ATXN10: variants seen among roughly 807,000 people sequenced by gnomAD.
ATXN10 encodes the protein ataxin 10.
ATXN10 carries 28 observed loss-of-function variants against 52.9 expected under a neutral mutation model. The ratio of observed to expected loss-of-function variants is 0.53; its 90% CI spans 0.39 to 0.73. The LOEUF (loss-of-function observed/expected upper bound fraction) is 0.73, where lower values mean the gene tolerates loss of function less well. ATXN10 is among the 30% of genes least tolerant of loss of function. ATXN10 has a pLI of 0.00. For missense variants in ATXN10, 565 were observed against 577.0 expected (o/e 0.98, Z 0.21); for synonymous variants, 226 against 221.5 (o/e 1.02, Z -0.18).
chr22:45,810,509 T>C (rs1928246231), intron 10 of ATXN10, among the ~76,000 whole-genome samples: 1 of 152,348 alleles, frequency 6.6e-6, no homozygotes, highest in South Asian at 2.1e-4. Context: ...CGTTTACCAC[T>C]AACAAAAACA....
intron 10 of ATXN10, among the ~76,000 whole-genome samples, chr22:45,810,585 A>C (rs1928248684): frequency 6.6e-6 from 1 of 152,250 alleles, no homozygotes; most frequent in Non-Finnish European, 1.5e-5. Flanking sequence ...TTTGATGAGA[A>C]TTGACATACA....
rs1923837040 is a variant in ATXN10 at position 45,701,354 on chromosome 22, T to C, written c.488+976T>C. 6.6e-6 allele frequency among the ~76,000 whole-genome samples: 1 copy of C among 152,190 alleles called. No individual in the cohort carries two copies. The stretch of plus-strand genomic sequence containing the variant: ...ATCTGGATCTAAAGCCTATCTATGC[T>C]CATTGTAAATACTGTGCTGCTTAAA... On this transcript the variant is annotated intron_variant, in intron 4 of 11. Transcript: ENST00000252934. The surrounding 1 kb of genome is among the most constrained non-coding windows in gnomAD (Gnocchi z 4.2).
intron 9 of ATXN10, among the ~76,000 whole-genome samples, chr22:45,806,219 C>T (rs1928094744): frequency 6.6e-6 from 1 of 152,172 alleles, no homozygotes; most frequent in Non-Finnish European, 1.5e-5. Context: ...TTACCAATAG[C>T]ATTTGTTGTC....
Position 45,733,380 on chromosome 22 carries a change from C to T in ATXN10, c.894+3790C>T, listed in dbSNP as rs753561057. On this transcript the variant is annotated intron_variant, in intron 7 of 11. Coordinates refer to ENST00000252934, the MANE Select transcript of ATXN10 (RefSeq NM_013236.4). This position sits in a 1 kb window ranked among gnomAD's most constrained non-coding sequence, Gnocchi z 4.4. ...ATTAAGGGCTTAAATTTTTGTATTA[C>T]GCAAATAATGCTTGCTTTGTTGTTA... Among the ~76,000 whole-genome samples, 1 of 152,080 alleles carries T rather than the reference C, an allele frequency of 6.6e-6. No homozygotes were observed. Among genetic ancestry groups the T allele is most frequent in the Non-Finnish European group, 1.5e-5 (1 of 68,026 alleles).
chr22:45,817,687 G>A (rs1014954315), intron 10 of ATXN10, among the ~76,000 whole-genome samples: 1 of 151,854 alleles, frequency 6.6e-6, no homozygotes, highest in Admixed American at 6.6e-5. Context: ...TGATTTATCT[G>A]CGTAAACCAG....
Position 45,733,083 on chromosome 22 carries a change from T to C in ATXN10, c.894+3493T>C, listed in dbSNP as rs1925151253. Among the ~76,000 whole-genome samples, 1 of 152,338 alleles carries C rather than the reference T, an allele frequency of 6.6e-6. No individual in the cohort carries two copies. The highest frequency in any genetic ancestry group is 1.5e-5 in the Non-Finnish European group (1 of 68,020). Reference sequence around the variant, plus strand: ...TTGTATACTTGTTTCCAGTTTTTGATATATTTTTGTCAGTTCAGAATCTTG... The same window carrying C: ...TTGTATACTTGTTTCCAGTTTTTGACATATTTTTGTCAGTTCAGAATCTTG... On this transcript the variant is annotated intron_variant, in intron 7 of 11. Coordinates refer to ENST00000252934, the MANE Select transcript of ATXN10 (RefSeq NM_013236.4). This position sits in a 1 kb window ranked among gnomAD's most constrained non-coding sequence, Gnocchi z 4.4.
At chr22:45,729,743 A>G (rs1925015429) in intron 7 of ATXN10, 153 bp downstream of exon 7, 1 of 879,166 alleles carries the variant, frequency 1.1e-6, no homozygotes, top group South Asian at 1.4e-5. Flanking sequence ...AAATTTAGAT[A>G]AGGGAAAACA....
At chr22:45,782,395 A>G (rs1338889459) in intron 9 of ATXN10, among the ~76,000 whole-genome samples, 2 of 152,200 alleles carry the variant, frequency 1.3e-5, no homozygotes, top group African/African-American at 4.8e-5. Context: ...ATAGCCAAAG[A>G]CTGGAAACAA....
Position 45,824,701 on chromosome 22 carries a change from A to G in ATXN10, c.1237+17679A>G, listed in dbSNP as rs1235205283. Among the ~76,000 whole-genome samples, 2 of 152,220 alleles carry G rather than the reference A, an allele frequency of 1.3e-5. No individual in the cohort carries two copies. The highest frequency in any genetic ancestry group is 2.4e-5 in the African/African-American group (1 of 41,468). On this transcript the variant is annotated intron_variant, in intron 10 of 11. Coordinates refer to ENST00000252934, the MANE Select transcript of ATXN10 (RefSeq NM_013236.4). This position sits in a 1 kb window ranked among gnomAD's most constrained non-coding sequence, Gnocchi z 5.2. ...GGTGGCAGCTAGAAAACAAATTTGT[A>G]TTGATAACTGAATTGATAGAGGTTT...
chr22:45,793,494 CCTT>C (rs1335265367), intron 9 of ATXN10: 3 of 1,070,614 alleles, frequency 2.8e-6, no homozygotes, highest in Non-Finnish European at 3.6e-6. Flanking sequence ...TCTCACTGCT[CCTT>C]CTGCTATTCT....
chr22:45,813,424 G>GTT (rs141294376), intron 10 of ATXN10, among the ~76,000 whole-genome samples: 1 of 117,372 alleles, frequency 8.5e-6, no homozygotes, highest in African/African-American at 3.2e-5. Flanking sequence ...GGGTTTTTTT[G>GTT]TTTTTTTCTT....
chr22:45,820,303 C>T lies in ATXN10; in HGVS notation c.1237+13281C>T, dbSNP rs902944701. On this transcript the variant is annotated intron_variant, in intron 10 of 11. Transcript: ENST00000252934. This position sits in a 1 kb window ranked among gnomAD's most constrained non-coding sequence, Gnocchi z 4.9. ...TAAGGAAGATGCAAGCTCTGATCAC[C>T]GTCTAGTTGGAGAAACAGGCCATTG... 2.0e-5 allele frequency among the ~76,000 whole-genome samples: 3 copies of T among 152,170 alleles called. No homozygotes were observed. The highest frequency in any genetic ancestry group is 6.5e-5 in the Admixed American group (1 of 15,288).
rs769745564 is a variant in ATXN10 at position 45,835,430 on chromosome 22, G to C, written c.1238-7561G>C. Among the ~76,000 whole-genome samples, 37 of 152,204 alleles carry C rather than the reference G, an allele frequency of 2.4e-4. No homozygotes were observed. Among genetic ancestry groups the C allele is most frequent in the Non-Finnish European group, 4.4e-4 (30 of 68,040 alleles). On this transcript the variant is annotated intron_variant, in intron 10 of 11. Coordinates refer to ENST00000252934, the MANE Select transcript of ATXN10 (RefSeq NM_013236.4). The surrounding 1 kb of genome is among the most constrained non-coding windows in gnomAD (Gnocchi z 5.0). ...GTACAGAGAGAGGTTTCAGGCTTCA[G>C]AGAGGAGGCCTGTGAAGTCAGGAAC...
Position 45,688,111 on chromosome 22 carries a change from A to G in ATXN10, c.117-1601A>G, listed in dbSNP as rs1356871081. Among the ~76,000 whole-genome samples the G allele has an allele frequency of 6.6e-6, 1 of 152,184 alleles. No individual in the cohort carries two copies. The highest frequency in any genetic ancestry group is 2.4e-5 in the African/African-American group (1 of 41,436). Reference sequence around the variant, plus strand: ...CCATTCTTCTTACGGCAATGCTGTCACTAAAAAATGGCTTATGTACTTGTT... The same window carrying G: ...CCATTCTTCTTACGGCAATGCTGTCGCTAAAAAATGGCTTATGTACTTGTT... On this transcript the variant is annotated intron_variant, in intron 1 of 11. Coordinates refer to ENST00000252934, the MANE Select transcript of ATXN10 (RefSeq NM_013236.4). This position sits in a 1 kb window ranked among gnomAD's most constrained non-coding sequence, Gnocchi z 4.0.
intron 2 of ATXN10, among the ~76,000 whole-genome samples, chr22:45,692,543 C>T (rs1569024877): frequency 6.6e-6 from 1 of 152,192 alleles, no homozygotes. Flanking sequence ...CCAAGCTTAA[C>T]TAAGGCCAGT....
chr22:45,783,354 T>G lies in ATXN10; in HGVS notation c.1174-23605T>G, dbSNP rs919546284. Among the ~76,000 whole-genome samples, 10 of 152,262 alleles carry G rather than the reference T, an allele frequency of 6.6e-5. No individual in the cohort carries two copies. The highest frequency in any genetic ancestry group is 1.3e-4 in the Non-Finnish European group (9 of 68,046). Reference sequence around the variant, plus strand: ...ATTGTTTATTTTAGGAATTTTCCACTTAATAGTTTCAGACCACGGGTAACT... The same window carrying G: ...ATTGTTTATTTTAGGAATTTTCCACGTAATAGTTTCAGACCACGGGTAACT... On this transcript the variant is annotated intron_variant, in intron 9 of 11. Transcript: ENST00000252934. The surrounding 1 kb of genome is among the most constrained non-coding windows in gnomAD (Gnocchi z 5.0).
chr22:45,723,602 C>T (rs1244593017), intron 6 of ATXN10, among the ~76,000 whole-genome samples: 3 of 152,094 alleles, frequency 2.0e-5, no homozygotes, highest in African/African-American at 7.2e-5. Context: ...AGCTTAACTC[C>T]CACTTGTAAG....
At chr22:45,747,025 A>G (rs1035029141) in intron 9 of ATXN10, among the ~76,000 whole-genome samples, 13 of 152,154 alleles carry the variant, frequency 8.5e-5, no homozygotes, top group Non-Finnish European at 1.5e-4. Context: ...TAGTTATACC[A>G]CCGTTACCAC....
Position 45,702,754 on chromosome 22 carries a change from T to G in ATXN10, c.554T>G (p.Leu185Arg). The G allele has an allele frequency of 6.2e-7, 1 of 1,614,014 alleles. No homozygotes were observed. The highest frequency in any genetic ancestry group is 8.5e-7 in the Non-Finnish European group (1 of 1,179,922). Reference sequence around the variant, plus strand: ...TCTTCAATGATTTTGTTTACATCCCTTAATCATGAAAGAATGAAAGAACTG... The same window carrying G: ...TCTTCAATGATTTTGTTTACATCCCGTAATCATGAAAGAATGAAAGAACTG... ...AYSSMILFTSLNHERMKELEE... is the reference protein window; with the variant it reads ...AYSSMILFTSRNHERMKELEE... Residue 185 changes from leucine to arginine, a missense_variant, in exon 5 of 12, where the codon CTT becomes CGT. Transcript: ENST00000252934.
Sources: allele counts gnomAD v4.1 joint callset (sites outside exome capture counted in the v4.1 genomes callset), GRCh38; gene constraint gnomAD v4.1.1; non-coding constraint Gnocchi (gnomAD v3.1); transcripts MANE v1.5; gene names NCBI Gene and HGNC (gene_info 2026-07-23, HGNC 2026-07-21).